ADIPOR2: variants seen among roughly 807,000 people sequenced by gnomAD.
The protein encoded by ADIPOR2 is adiponectin receptor protein 2.
A neutral mutation model predicts 40.9 loss-of-function variants in ADIPOR2; 18 were observed. That is an observed-to-expected ratio of 0.44 (90% CI 0.30 to 0.65). The LOEUF is 0.65. Ranked by LOEUF, ADIPOR2 falls within the 30% of genes least tolerant of loss-of-function variation. The pLI is 0.09. For missense variants in ADIPOR2, 283 were observed against 479.2 expected, an observed-to-expected ratio of 0.59 and a Z score of 3.82; for synonymous variants, 165 against 166.4, an observed-to-expected ratio of 0.99 and a Z score of 0.06.
chr12:1,774,696 G>A (rs1282049710), intron 3 of ADIPOR2, among the ~76,000 whole-genome samples: 1 of 152,140 alleles, frequency 6.6e-6, no homozygotes, highest in Non-Finnish European at 1.5e-5. Context: ...TATGCTATGG[G>A]GAGTTTATTT....
intron 2 of ADIPOR2, among the ~76,000 whole-genome samples, chr12:1,769,914 A>G (rs1377234108): frequency 6.7e-6 from 1 of 148,500 alleles, no homozygotes; most frequent in South Asian, 2.1e-4. Context: ...TATCTTTACT[A>G]AAGTAATTTT....
intron 1 of ADIPOR2, among the ~76,000 whole-genome samples, chr12:1,693,862 A>C (rs12229061): frequency 0.044 from 6,764 of 152,170 alleles, 249 homozygotes; most frequent in East Asian, 0.18. Context: ...GAAGTATTTC[A>C]TTATTTGTAT....
intron 1 of ADIPOR2, among the ~76,000 whole-genome samples, chr12:1,707,607 G>A (rs1292838351): frequency 2.0e-5 from 3 of 152,060 alleles, no homozygotes; most frequent in Admixed American, 1.3e-4. Context: ...TGGGACTACA[G>A]GTGCATGCCA....
chr12:1,691,585 T>A (rs779781427), intron 1 of ADIPOR2, among the ~76,000 whole-genome samples: 2 of 152,184 alleles, frequency 1.3e-5, no homozygotes, highest in Non-Finnish European at 2.9e-5. Flanking sequence ...CTCTTGTCTG[T>A]TTTTATCACT....
chr12:1,758,575 A>G (rs913966190), intron 2 of ADIPOR2, among the ~76,000 whole-genome samples: 3 of 152,156 alleles, frequency 2.0e-5, no homozygotes, highest in African/African-American at 2.4e-5. Flanking sequence ...CTTGCTGCCA[A>G]TTTCACGGTT....
At chr12:1,784,998 C>A (rs2154444588) in intron 7 of ADIPOR2, among the ~76,000 whole-genome samples, 1 of 152,288 alleles carries the variant, frequency 6.6e-6, no homozygotes, top group East Asian at 1.9e-4. Context: ...TCTGATTCAT[C>A]ATCATCATTT....
At chr12:1,707,080 C>T (rs1450902352) in intron 1 of ADIPOR2, among the ~76,000 whole-genome samples, 5 of 152,172 alleles carry the variant, frequency 3.3e-5, no homozygotes, top group Non-Finnish European at 7.4e-5. Flanking sequence ...TGAGAGTCCT[C>T]CATGTTGCTT....
chr12:1,745,996 GTCT>G (rs1032587398), intron 1 of ADIPOR2, among the ~76,000 whole-genome samples: 6 of 151,968 alleles, frequency 3.9e-5, no homozygotes, highest in Admixed American at 1.3e-4. Flanking sequence ...ATAAAAATAA[GTCT>G]TCTTCCTATG....
intron 1 of ADIPOR2, among the ~76,000 whole-genome samples, chr12:1,702,714 TCA>T (rs1006928712): frequency 2.0e-5 from 3 of 152,242 alleles, no homozygotes; most frequent in African/African-American, 7.2e-5. Context: ...CTGTCTTTTC[TCA>T]GTCTGTGTGG....
intron 3 of ADIPOR2, among the ~76,000 whole-genome samples, chr12:1,773,653 G>A (rs1264691340): frequency 2.6e-5 from 4 of 151,328 alleles, no homozygotes; most frequent in Non-Finnish European, 5.9e-5. Flanking sequence ...TCTAATTAAT[G>A]TAAGTCGATC....
chr12:1,725,316 C>T (rs1466326231), intron 1 of ADIPOR2, among the ~76,000 whole-genome samples: 2 of 151,846 alleles, frequency 1.3e-5, no homozygotes, highest in African/African-American at 4.8e-5. Context: ...CGGGGTTTCA[C>T]TATATGTTGG....
At chr12:1,729,617 G>GT (rs56921758) in intron 1 of ADIPOR2, among the ~76,000 whole-genome samples, 4,360 of 88,436 alleles carry the variant, frequency 0.049, 149 homozygotes, top group African/African-American at 0.099. Flanking sequence ...TCAGCCAGTT[G>GT]TTTTTTTTTT....
intron 2 of ADIPOR2, among the ~76,000 whole-genome samples, chr12:1,765,028 A>T (rs1044281491): frequency 6.6e-6 from 1 of 152,140 alleles, no homozygotes; most frequent in African/African-American, 2.4e-5. Flanking sequence ...GAACAAATGT[A>T]TGCACTTCCA....
At chr12:1,762,564 A>C (rs1454009879) in intron 2 of ADIPOR2, among the ~76,000 whole-genome samples, 2 of 152,200 alleles carry the variant, frequency 1.3e-5, no homozygotes, top group African/African-American at 4.8e-5. Flanking sequence ...GCACGTGGGG[A>C]CGTATACTAT....
chr12:1,777,393 T>C (rs1341967167), intron 3 of ADIPOR2, among the ~76,000 whole-genome samples: 3 of 146,824 alleles, frequency 2.0e-5, no homozygotes, highest in Non-Finnish European at 4.5e-5. Context: ...TTTTTTTTTT[T>C]TTTTTTTTTT....
chr12:1,750,489 G>A (rs12296831), intron 1 of ADIPOR2, among the ~76,000 whole-genome samples: 22,379 of 151,520 alleles, frequency 0.15, 1,997 homozygotes, highest in African/African-American at 0.25. Flanking sequence ...GATCCGTTGA[G>A]CCCAGGAGTT....
At chr12:1,749,703 T>C (rs1479589570) in intron 1 of ADIPOR2, among the ~76,000 whole-genome samples, 2 of 152,228 alleles carry the variant, frequency 1.3e-5, no homozygotes, top group Non-Finnish European at 2.9e-5. Flanking sequence ...TGAGTTTTTA[T>C]CTACAGAAAT....
intron 1 of ADIPOR2, among the ~76,000 whole-genome samples, chr12:1,745,891 A>T (rs1043796789): frequency 6.6e-6 from 1 of 150,558 alleles, no homozygotes; most frequent in African/African-American, 2.5e-5. Flanking sequence ...ATTGAAATTC[A>T]TGCATAGTGT....
intron 6 of ADIPOR2, among the ~76,000 whole-genome samples, chr12:1,781,751 C>T (rs1461681198): frequency 1.3e-5 from 2 of 152,272 alleles, no homozygotes; most frequent in Non-Finnish European, 2.9e-5. Context: ...GAGTGTTTTT[C>T]CTTTCGTCCT....
Sources: allele counts gnomAD v4.1 joint callset (sites outside exome capture counted in the v4.1 genomes callset), GRCh38; gene constraint gnomAD v4.1.1; transcripts MANE v1.5; gene names NCBI Gene and HGNC (gene_info 2026-07-23, HGNC 2026-07-21).